The following TAX1BP1 variants were observed in gnomAD, a reference collection of about 807,000 sequenced individuals.
The protein encoded by TAX1BP1 is tax1-binding protein 1.
TAX1BP1 carries 62 observed loss-of-function variants against 97.7 expected under a neutral mutation model. That is an observed-to-expected ratio of 0.63 (90% CI 0.52 to 0.78). The LOEUF (loss-of-function observed/expected upper bound fraction) is 0.78. Ranked by LOEUF, TAX1BP1 falls within the 30% of genes least tolerant of loss-of-function variation. TAX1BP1 has a pLI of 0.00. For synonymous variants in TAX1BP1, 340 were observed against 304.2 expected, an observed-to-expected ratio of 1.12 and a Z score of -1.23; for missense variants, 867 against 916.1, an observed-to-expected ratio of 0.95 and a Z score of 0.69.
intron 3 of TAX1BP1, among the ~76,000 whole-genome samples, chr7:27,760,113 C>T (rs1404685971): frequency 6.6e-6 from 1 of 152,054 alleles, no homozygotes; most frequent in Non-Finnish European, 1.5e-5. Flanking sequence ...CTCGGCCTCC[C>T]AAAGTGCTGG....
At chr7:27,808,828 T>C (rs1163245244) in intron 13 of TAX1BP1, among the ~76,000 whole-genome samples, 1 of 152,214 alleles carries the variant, frequency 6.6e-6, no homozygotes, top group Non-Finnish European at 1.5e-5. Context: ...AGGAAAATTA[T>C]GAGTCAGCAG....
chr7:27,758,666 A>G (rs142087167), intron 3 of TAX1BP1, among the ~76,000 whole-genome samples: 1 of 152,306 alleles, frequency 6.6e-6, no homozygotes, highest in African/African-American at 2.4e-5. Context: ...AATATGGGTG[A>G]ACACTGAGGA....
At chr7:27,754,851 G>A (rs1788151857) in intron 2 of TAX1BP1, among the ~76,000 whole-genome samples, 1 of 152,026 alleles carries the variant, frequency 6.6e-6, no homozygotes, top group South Asian at 2.1e-4. Context: ...CCAAAGTGCT[G>A]GGATTACAGG....
rs115855078 is a variant in TAX1BP1 at position 27,804,011 on chromosome 7, A to T, written c.1764+3921A>T. ...TTATATCAGGGAAAAACAATTGATA[A>T]TTTTTTTTGCCATTGATAATATTTG... On this transcript the variant is annotated intron_variant, in intron 13 of 16. Coordinates refer to ENST00000396319, the MANE Select transcript of TAX1BP1 (RefSeq NM_006024.7). Among the ~76,000 whole-genome samples, 451 of 152,102 alleles carry T rather than the reference A, an allele frequency of 3.0e-3. 3 individuals carry two copies. The highest frequency in any genetic ancestry group is 0.01 in the African/African-American group (428 of 41,538).
In TAX1BP1 at chr7:27,787,529, A is replaced by G; in HGVS notation, c.964A>G (p.Ile322Val). Residue 322 changes from isoleucine (I) to valine (V), a missense_variant, in exon 8 of 17, where the codon ATT (isoleucine) becomes GTT (valine). Coordinates refer to ENST00000396319, the MANE Select transcript of TAX1BP1 (RefSeq NM_006024.7). ...ESVITHFKEE[I>V]GRLQLCLAEK... is the part of the protein sequence containing the mutation. ...CGTGATTACTCATTTCAAAGAAGAGATTGGCAGGCTGCAGTTATGTTTGGC... is the reference window on the plus strand; with the variant it reads ...CGTGATTACTCATTTCAAAGAAGAGGTTGGCAGGCTGCAGTTATGTTTGGC... The G allele has an allele frequency of 6.2e-7, 1 of 1,613,814 alleles. No homozygotes were observed. The highest frequency in any genetic ancestry group is 2.2e-5 in the East Asian group (1 of 44,822).
intron 3 of TAX1BP1, among the ~76,000 whole-genome samples, chr7:27,763,310 G>A (rs1788499453): frequency 2.6e-5 from 4 of 152,072 alleles, no homozygotes; most frequent in Admixed American, 1.3e-4. Flanking sequence ...AATTTGACTC[G>A]AAAATTTAGT....
At chr7:27,759,413 A>C (rs1788344450) in intron 3 of TAX1BP1, among the ~76,000 whole-genome samples, 1 of 152,174 alleles carries the variant, frequency 6.6e-6, no homozygotes, top group African/African-American at 2.4e-5. Context: ...AAAATCACAA[A>C]TACTGATAGT....
At chr7:27,813,360 T>C (rs1395538628) in intron 13 of TAX1BP1, among the ~76,000 whole-genome samples, 2 of 150,220 alleles carry the variant, frequency 1.3e-5, no homozygotes, top group Non-Finnish European at 2.9e-5. Context: ...CTTTTTTTTT[T>C]CTTTTTTTTT....
At chr7:27,826,927 C>T (rs1791196824) in intron 15 of TAX1BP1, among the ~76,000 whole-genome samples, 1 of 152,164 alleles carries the variant, frequency 6.6e-6, no homozygotes, top group Non-Finnish European at 1.5e-5. Context: ...CTCACACATA[C>T]TTTATTAGTT....
At chr7:27,770,183 ATAAAT>A (rs141299712) in intron 5 of TAX1BP1, among the ~76,000 whole-genome samples, 3,620 of 152,194 alleles carry the variant, frequency 0.024, 68 homozygotes, top group East Asian at 0.081. Flanking sequence ...AATGGGATAC[ATAAAT>A]TAAAATTACT....
chr7:27,787,374 T>G (rs778458225), intron 7 of TAX1BP1, 44 bp from the exon 8 acceptor site: 2 of 1,501,248 alleles, frequency 1.3e-6, no homozygotes, highest in Non-Finnish European at 9.0e-7. Context: ...CTAACTTAGG[T>G]CATGGAGTTA....
At chr7:27,755,689 A>G (rs1788186415) in intron 2 of TAX1BP1, among the ~76,000 whole-genome samples, 2 of 152,212 alleles carry the variant, frequency 1.3e-5, no homozygotes, top group African/African-American at 4.8e-5. Flanking sequence ...AGTAGTAACA[A>G]GAATGATGCC....
chr7:27,752,650 T>A (rs1012006423), intron 2 of TAX1BP1, among the ~76,000 whole-genome samples: 1 of 152,222 alleles, frequency 6.6e-6, no homozygotes, highest in Admixed American at 6.5e-5. Flanking sequence ...TTGTTCCTTT[T>A]AGTTTTTTCA....
chr7:27,808,197 G>T (rs2391488), intron 13 of TAX1BP1, among the ~76,000 whole-genome samples: 117,955 of 152,050 alleles, frequency 0.78, 46,836 homozygotes, highest in African/African-American at 0.95. Context: ...GGAAAATATG[G>T]TTCTCCCCCT....
intron 3 of TAX1BP1, among the ~76,000 whole-genome samples, chr7:27,761,440 G>C (rs1788421988): frequency 6.6e-6 from 1 of 152,074 alleles, no homozygotes; most frequent in African/African-American, 2.4e-5. Context: ...GTATCATAAA[G>C]AACAATAACT....
chr7:27,788,133 A>G (rs1233157529), intron 8 of TAX1BP1, among the ~76,000 whole-genome samples: 1 of 152,092 alleles, frequency 6.6e-6, no homozygotes, highest in Non-Finnish European at 1.5e-5. Context: ...TGGAGAAGAC[A>G]GGCTAGTCTG....
chr7:27,784,921 A>G (rs573671161), intron 5 of TAX1BP1, among the ~76,000 whole-genome samples: 95 of 152,250 alleles, frequency 6.2e-4, no homozygotes, highest in Non-Finnish European at 1.1e-3. Flanking sequence ...TTGTGCCACC[A>G]TACTGCAGCC....
chr7:27,757,336 G>A (rs1351416918), intron 2 of TAX1BP1, among the ~76,000 whole-genome samples: 1 of 152,092 alleles, frequency 6.6e-6, no homozygotes, highest in African/African-American at 2.4e-5. Context: ...GGTGAGACAT[G>A]GGTGGTCTGT....
intron 3 of TAX1BP1, among the ~76,000 whole-genome samples, chr7:27,763,852 A>G (rs900240373): frequency 6.6e-5 from 10 of 152,260 alleles, no homozygotes; most frequent in Admixed American, 1.3e-4. Context: ...ATTATGCTAT[A>G]TATTTGTTTT....
Sources: gnomAD v4.1 joint callset for allele counts (sites outside exome capture counted in the v4.1 genomes callset) on GRCh38, gnomAD v4.1.1 for gene constraint, MANE v1.5 for transcripts, NCBI Gene and HGNC (gene_info 2026-07-23, HGNC 2026-07-21) for gene names.